The following PCNT variants were observed in gnomAD, a reference collection of about 807,000 sequenced individuals.
The protein encoded by PCNT is pericentrin.
PCNT carries 319 observed loss-of-function variants against 380.4 expected under a neutral mutation model. That is an observed-to-expected ratio of 0.84 (90% CI 0.77 to 0.92). The LOEUF is 0.92. Ranked by LOEUF, PCNT falls within the 40% of genes least tolerant of loss-of-function variation. The pLI, the probability that PCNT is intolerant of heterozygous loss-of-function variation, is 0.00. For missense variants in PCNT, 4,400 were observed against 4,255.3 expected (o/e 1.03, Z -0.95); for synonymous variants, 1,845 against 1,735.2 (o/e 1.06, Z -1.57).
chr21:46,429,838 C>G (rs2087675475), intron 35 of PCNT, among the ~76,000 whole-genome samples, 172 bp from the exon 36 acceptor site: 1 of 152,034 alleles, frequency 6.6e-6, no homozygotes. Context: ...GCCCAGAGGG[C>G]AGAATTGAGC....
At chr21:46,438,095 C>A in intron 40 of PCNT, 69 bp from the exon 41 acceptor site, 1 of 1,277,996 alleles carries the variant, frequency 7.8e-7, no homozygotes, top group Non-Finnish European at 1.1e-6. Context: ...TAACTGTTGA[C>A]AAAAAACACA....
In PCNT at chr21:46,444,703, A is replaced by G. The variant is rs771698367; in HGVS notation, c.9849A>G (p.Pro3283=). 6 of 1,608,844 alleles carry G rather than the reference A, an allele frequency of 3.7e-6. No individual in the cohort carries two copies. Among genetic ancestry groups the G allele is most frequent in the South Asian group, 2.2e-5 (2 of 90,954 alleles). The change falls in exon 46 of 47, where the codon CCA becomes CCG. Residue 3283 remains proline (P), a synonymous_variant. Coordinates refer to ENST00000359568, the MANE Select transcript of PCNT (RefSeq NM_006031.6). The stretch of plus-strand genomic sequence containing the variant: ...GGTAATTTGTTTGAAGAGCCACTCC[A>G]TCCCCAAATTCAAGATTAGAAAGAT... The part of the protein sequence containing the change: ...ASPHSGGRAT[P]SPNSRLERSL...
chr21:46,412,877 C>T lies in PCNT; in HGVS notation c.6035C>T (p.Pro2012Leu). Residue 2012 changes from proline to leucine, a missense_variant, in exon 29 of 47, where the codon CCT becomes CTT. Physicochemically the swap from Pro to Leu is moderately conservative, Grantham distance 98. Coordinates refer to ENST00000359568, the MANE Select transcript of PCNT (RefSeq NM_006031.6). ...GTCCTGGTGACGTTGAAGGATGCAC[C>T]TCTCTGCAAGCAAGAAGGCGTGATG... Reference protein sequence around the residue: ...QPVLVTLKDAPLCKQEGVMSV... With the variant: ...QPVLVTLKDALLCKQEGVMSV... 1 of 1,612,870 alleles carries T rather than the reference C, an allele frequency of 6.2e-7. No homozygotes were observed. The highest frequency in any genetic ancestry group is 1.1e-5 in the South Asian group (1 of 91,086).
Position 46,426,103 on chromosome 21 carries a change from C to T in PCNT, c.7320+132C>T, listed in dbSNP as rs112694739. The T allele has an allele frequency of 6.4e-5, 47 of 735,924 alleles. No individual in the cohort carries two copies. The African/African-American group carries it at 1.2e-3, about 19-fold the overall frequency. 45.6% of individuals were successfully genotyped at this position (735,924 alleles called of 1,614,324 possible). On this transcript the variant is annotated intron_variant, in intron 33 of 46. Coordinates refer to ENST00000359568, the MANE Select transcript of PCNT (RefSeq NM_006031.6). Reference sequence around the variant, plus strand: ...TTTTTTTTTTTTTTTTTTTGAGACTCGGCTCACTGCAACCTCCACCACCCC... The same window carrying T: ...TTTTTTTTTTTTTTTTTTTGAGACTTGGCTCACTGCAACCTCCACCACCCC...
chr21:46,395,076 G>A (rs1222011514), intron 21 of PCNT, among the ~76,000 whole-genome samples: 2 of 152,240 alleles, frequency 1.3e-5, no homozygotes, highest in African/African-American at 2.4e-5. Flanking sequence ...AGGCCTCGCC[G>A]CACGTCTCAG....
In PCNT at chr21:46,440,088, G is replaced by A. The variant is rs199596313; in HGVS notation, c.9279G>A (p.Ser3093=). 411 of 1,614,038 alleles carry A rather than the reference G, an allele frequency of 2.5e-4. 2 individuals carry two copies. In the East Asian group the frequency reaches 8.2e-3, roughly 32 times the overall value. Residue 3093 remains serine (S), a synonymous_variant, in exon 42 of 47, where the codon TCG becomes TCA. Transcript: ENST00000359568. ...CTGGCTGTGCTTCCTTACAGAGGTCGGAAAGGTCTGCTTGGAAGCCAGACG... is the reference window on the plus strand; with the variant it reads ...CTGGCTGTGCTTCCTTACAGAGGTCAGAAAGGTCTGCTTGGAAGCCAGACG... ...HLQKGCSPSR[S]ERSAWKPDET...
intron 15 of PCNT, among the ~76,000 whole-genome samples, chr21:46,368,193 C>T (rs1026692057): frequency 2.0e-5 from 3 of 151,996 alleles, no homozygotes; most frequent in Admixed American, 1.3e-4. Context: ...CACCTGTAAT[C>T]CCAGCACTTT....
chr21:46,400,302 C>A (rs8133020), intron 25 of PCNT, among the ~76,000 whole-genome samples: 6,483 of 152,178 alleles, frequency 0.043, 442 homozygotes, highest in African/African-American at 0.14. Flanking sequence ...TGGGCCATCT[C>A]ATGGCTGGAG....
At position 46,334,735 on chromosome 21, in the gene PCNT, C is replaced by A; in HGVS notation, c.606C>A (p.Asp202Glu). Reference protein sequence around the residue: ...PEQRGIFTISDHPAEQRGMFT... With the variant: ...PEQRGIFTISEHPAEQRGMFT... ...AGCGTGGGATCTTCACAATCAGTGACCACCCAGCAGAACAGCGTGGGATGT... is the reference window on the plus strand; with the variant it reads ...AGCGTGGGATCTTCACAATCAGTGAACACCCAGCAGAACAGCGTGGGATGT... The change falls in exon 3 of 47, where the codon GAC becomes GAA. Residue 202 changes from aspartate (D) to glutamate (E), a missense_variant. By Grantham distance (45) the Asp-to-Glu change is conservative (BLOSUM62 2). Coordinates refer to ENST00000359568, the MANE Select transcript of PCNT (RefSeq NM_006031.6). 2 of 1,614,026 alleles carry A rather than the reference C, an allele frequency of 1.2e-6. No individual in the cohort carries two copies. Among genetic ancestry groups the A allele is most frequent in the Non-Finnish European group, 1.7e-6 (2 of 1,179,864 alleles).
At chr21:46,356,185 G>A (rs919736518) in intron 12 of PCNT, among the ~76,000 whole-genome samples, 1 of 152,224 alleles carries the variant, frequency 6.6e-6, no homozygotes, top group Non-Finnish European at 1.5e-5. Context: ...GGCCACTGGC[G>A]TGGACTGTGC....
intron 15 of PCNT, among the ~76,000 whole-genome samples, chr21:46,376,459 G>A (rs1347461117): frequency 2.6e-5 from 4 of 152,242 alleles, no homozygotes; most frequent in African/African-American, 9.6e-5. Context: ...GATGCCAGGA[G>A]GGAAGCGCCT....
At chr21:46,407,502 C>T (rs1020510833) in intron 27 of PCNT, among the ~76,000 whole-genome samples, 2 of 151,940 alleles carry the variant, frequency 1.3e-5, no homozygotes, top group African/African-American at 2.4e-5. Flanking sequence ...CCACCAGGCC[C>T]GGCTAATTAT....
chr21:46,358,596 A>T (rs2084564188), intron 13 of PCNT, among the ~76,000 whole-genome samples: 1 of 150,324 alleles, frequency 6.7e-6, no homozygotes, highest in African/African-American at 2.4e-5. Context: ...TTCCCAAGTG[A>T]CTTTTTGTTG....
chr21:46,442,800 G>A (rs1391890466), intron 44 of PCNT: 5 of 594,390 alleles, frequency 8.4e-6, no homozygotes, highest in African/African-American at 3.7e-5. Flanking sequence ...GTACGGCGAT[G>A]GGAAACACTG....
At chr21:46,444,240 T>TTA (rs947923650) in intron 45 of PCNT, among the ~76,000 whole-genome samples, 1 of 152,130 alleles carries the variant, frequency 6.6e-6, no homozygotes, top group Non-Finnish European at 1.5e-5. Context: ...AGAAGGCATG[T>TTA]TCCCTGCCGT....
chr21:46,437,037 T>C lies in PCNT; in HGVS notation c.9055T>C (p.Leu3019=). ...AGCAGTGATGTCTTTACTGCACACG[T>C]TGGAGGAGCTGAAGTCTGACTTGAG... ...EKAVMSLLHT[L]EELKSDLSRP... is the part of the protein sequence containing the mutation. The change falls in exon 40 of 47, where the codon TTG becomes CTG. Residue 3019 remains leucine, a synonymous_variant. Coordinates refer to ENST00000359568, the MANE Select transcript of PCNT (RefSeq NM_006031.6). 1 of 1,614,222 alleles carries C rather than the reference T, an allele frequency of 6.2e-7. No individual in the cohort carries two copies. Among genetic ancestry groups the C allele is most frequent in the Non-Finnish European group, 8.5e-7 (1 of 1,180,016 alleles).
rs750395241 is a variant in PCNT at position 46,411,189 on chromosome 21, G to C, written c.5116G>C (p.Val1706Leu). 1 of 1,613,904 alleles carries C rather than the reference G, an allele frequency of 6.2e-7. No homozygotes were observed. Among genetic ancestry groups the C allele is most frequent in the Non-Finnish European group, 8.5e-7 (1 of 1,179,930 alleles). The change falls in exon 28 of 47, where the codon GTC (valine) becomes CTC (leucine). Residue 1706 changes from valine (V) to leucine (L), a missense_variant and splice_region_variant. Physicochemically the swap from Val to Leu is conservative, Grantham distance 32 (BLOSUM62 1). Coordinates refer to ENST00000359568, the MANE Select transcript of PCNT (RefSeq NM_006031.6). Reference sequence around the variant, plus strand: ...CCTCTGAAATGTCCTCTCTCTTCAGGTCATATATACCAGAAGTTCTGAGAT... The same window carrying C: ...CCTCTGAAATGTCCTCTCTCTTCAGCTCATATATACCAGAAGTTCTGAGAT... ...ELEEENTSLKVIYTRSSEIEE... is the reference protein window; with the variant it reads ...ELEEENTSLKLIYTRSSEIEE...
chr21:46,422,197 G>A, intron 32 of PCNT, 73 bp downstream of exon 32: 2 of 1,577,184 alleles, frequency 1.3e-6, no homozygotes, highest in African/African-American at 1.3e-5. Flanking sequence ...CCTGTGTCCT[G>A]CCTTGCCGGG....
At chr21:46,418,461 C>T (rs1217317038) in intron 31 of PCNT, among the ~76,000 whole-genome samples, 155 bp downstream of exon 31, 1 of 152,246 alleles carries the variant, frequency 6.6e-6, no homozygotes, top group Non-Finnish European at 1.5e-5. Flanking sequence ...CACCTGGGGC[C>T]TCTTGACTTC....
Sources: gnomAD v4.1 joint callset for allele counts (sites outside exome capture counted in the v4.1 genomes callset) on GRCh38, gnomAD v4.1.1 for gene constraint, MANE v1.5 for transcripts, NCBI Gene and HGNC (gene_info 2026-07-23, HGNC 2026-07-21) for gene names.